The following POMK variants were observed in gnomAD, a reference collection of about 807,000 sequenced individuals.
POMK encodes the protein protein O-mannose kinase, also known as Sugen kinase 196.
In POMK, 19 loss-of-function variants were observed where a neutral mutation model predicts 23.0. The ratio of observed to expected loss-of-function variants is 0.83; its 90% CI spans 0.58 to 1.21. The LOEUF (loss-of-function observed/expected upper bound fraction) is 1.21. POMK is among the 50% of genes most tolerant of loss of function. POMK has a pLI of 0.00. For synonymous variants in POMK, 173 were observed against 171.6 expected, an observed-to-expected ratio of 1.01 and a Z score of -0.06; for missense variants, 410 against 431.3, an observed-to-expected ratio of 0.95 and a Z score of 0.44.
chr8:43,111,078 G>A (rs1011414937), intron 4 of POMK, among the ~76,000 whole-genome samples: 1 of 152,192 alleles, frequency 6.6e-6, no homozygotes, highest in African/African-American at 2.4e-5. Context: ...AGTGGGTGCA[G>A]GACAGTGGGT....
intron 2 of POMK, among the ~76,000 whole-genome samples, chr8:43,101,103 T>A (rs1811431413): frequency 6.6e-6 from 1 of 151,886 alleles, no homozygotes; most frequent in East Asian, 1.9e-4. Flanking sequence ...ATGCAGGGGA[T>A]GAGTAGAGCC....
chr8:43,103,495 T>C (rs1811483464), intron 3 of POMK, 33 bp from the exon 4 acceptor site: 2 of 1,596,306 alleles, frequency 1.3e-6, no homozygotes, highest in Admixed American at 1.7e-5. Context: ...GAAAGCTGAC[T>C]GTCATGACTT....
At chr8:43,099,703 A>G (rs552241705) in intron 2 of POMK, among the ~76,000 whole-genome samples, 2 of 152,242 alleles carry the variant, frequency 1.3e-5, no homozygotes, top group East Asian at 3.9e-4. Flanking sequence ...GAATGAGAGG[A>G]CAGAGCTGGG....
intron 2 of POMK, among the ~76,000 whole-genome samples, chr8:43,099,597 T>C (rs965411729): frequency 6.6e-6 from 1 of 152,218 alleles, no homozygotes; most frequent in Non-Finnish European, 1.5e-5. Flanking sequence ...CAAGGAAGAC[T>C]GGGGCTGTGC....
intron 4 of POMK, among the ~76,000 whole-genome samples, chr8:43,109,400 A>G (rs1811604208): frequency 6.6e-6 from 1 of 152,160 alleles, no homozygotes; most frequent in Non-Finnish European, 1.5e-5. Context: ...TTATCTTTTA[A>G]TATTCCATAA....
intron 4 of POMK, among the ~76,000 whole-genome samples, chr8:43,120,308 G>T (rs990163070): frequency 1.3e-5 from 2 of 151,816 alleles, no homozygotes; most frequent in African/African-American, 2.4e-5. Flanking sequence ...ACCTCCTGGG[G>T]TTCAAGCTAC....
At chr8:43,113,683 G>A (rs537206017) in intron 4 of POMK, among the ~76,000 whole-genome samples, 10 of 152,184 alleles carry the variant, frequency 6.6e-5, no homozygotes, top group South Asian at 2.1e-4. Flanking sequence ...GAGGAGAGAC[G>A]CTCTGCTTTT....
intron 4 of POMK, among the ~76,000 whole-genome samples, chr8:43,120,496 T>C (rs550624025): frequency 4.0e-5 from 6 of 151,716 alleles, no homozygotes; most frequent in Admixed American, 6.6e-5. Flanking sequence ...GCTGGGATTA[T>C]AGGTATGAGC....
chr8:43,103,257 CTG>C (rs760588604), intron 3 of POMK, among the ~76,000 whole-genome samples: 19 of 152,222 alleles, frequency 1.2e-4, no homozygotes, highest in Non-Finnish European at 2.5e-4. Flanking sequence ...ATGCATGCTA[CTG>C]TGAGTCGGAC....
intron 4 of POMK, among the ~76,000 whole-genome samples, chr8:43,120,923 C>T (rs1184286119): frequency 5.9e-5 from 9 of 151,950 alleles, no homozygotes; most frequent in South Asian, 4.1e-4. Flanking sequence ...GTGATCCACC[C>T]GCCTTGGCCT....
intron 4 of POMK, among the ~76,000 whole-genome samples, chr8:43,110,090 C>T (rs1314618697): frequency 2.0e-5 from 3 of 152,294 alleles, no homozygotes; most frequent in Non-Finnish European, 2.9e-5. Context: ...TAAAACAGTC[C>T]GTTAACACTC....
chr8:43,119,433 CTT>C lies in POMK; in HGVS notation c.283-2651_283-2650del, dbSNP rs907663234. Among the ~76,000 whole-genome samples, 136 of 95,968 alleles carry C rather than the reference CTT, an allele frequency of 1.4e-3. 1 individual carries two copies. The highest frequency in any genetic ancestry group is 5.3e-3 in the African/African-American group (130 of 24,752). 63.0% of individuals were successfully genotyped at this position (95,968 alleles called of 152,430 possible). ...ATGTAGCAGCCAGAGTGAAAAACAG[CTT>C]TTTTTTTTTTTTTTTTTTTTTTGAG... On this transcript the variant is annotated intron_variant, in intron 4 of 4. Coordinates refer to ENST00000331373, the MANE Select transcript of POMK (RefSeq NM_032237.5).
At chr8:43,101,671 T>C (rs1040318607) in intron 2 of POMK, among the ~76,000 whole-genome samples, 15 of 152,196 alleles carry the variant, frequency 9.9e-5, no homozygotes, top group Non-Finnish European at 1.9e-4. Context: ...AGGTTGCTTC[T>C]GTGTGTCAGA....
intron 1 of POMK, among the ~76,000 whole-genome samples, chr8:43,093,765 C>G (rs1811272682): frequency 6.6e-6 from 1 of 152,254 alleles, no homozygotes; most frequent in Non-Finnish European, 1.5e-5. Context: ...TCCGCGTCCA[C>G]CCCTGCGCGG....
chr8:43,107,745 ATTGT>A (rs1206686017), intron 4 of POMK, among the ~76,000 whole-genome samples: 1 of 149,772 alleles, frequency 6.7e-6, no homozygotes, highest in Non-Finnish European at 1.5e-5. Context: ...CAGTGGTGTG[ATTGT>A]GGCTTACTGC....
chr8:43,114,518 C>T (rs1811752869), intron 4 of POMK, among the ~76,000 whole-genome samples: 1 of 152,238 alleles, frequency 6.6e-6, no homozygotes, highest in Non-Finnish European at 1.5e-5. Flanking sequence ...TCTGTCACCC[C>T]TTTCTTTGAC....
rs140332286 is a variant in POMK at position 43,121,770 on chromosome 8, G to A, written c.283-337G>A. On this transcript the variant is annotated intron_variant, in intron 4 of 4. Transcript: ENST00000331373. ...TTCCCTCCTGAGCTAGCACTCCCCT[G>A]CCCTACATTGAATCTGCAGGTCCCC... Among the ~76,000 whole-genome samples the A allele has an allele frequency of 3.3e-5, 5 of 152,260 alleles. No individual in the cohort carries two copies. The East Asian group carries it at 9.7e-4, about 29-fold the overall frequency.
In POMK at chr8:43,113,998, C is replaced by T. The variant is rs1243206108; in HGVS notation, c.283-8109C>T. Among the ~76,000 whole-genome samples, 16 of 152,248 alleles carry T rather than the reference C, an allele frequency of 1.1e-4. No homozygotes were observed. The South Asian group carries it at 2.3e-3, about 22-fold the overall frequency. On this transcript the variant is annotated intron_variant, in intron 4 of 4. Coordinates refer to ENST00000331373, the MANE Select transcript of POMK (RefSeq NM_032237.5). ...TTTGTCTCAGAGGAGTACCCGGCCC[C>T]GTGAGGTGTCAGTCTGCCCCTACTG... is the stretch of plus-strand genomic sequence containing the variant.
chr8:43,114,709 C>T (rs531020467), intron 4 of POMK, among the ~76,000 whole-genome samples: 9 of 152,376 alleles, frequency 5.9e-5, no homozygotes, highest in Admixed American at 2.0e-4. Flanking sequence ...GCGTCGCTCA[C>T]GCTGGGAGCT....
Sources: allele counts gnomAD v4.1 joint callset (sites outside exome capture counted in the v4.1 genomes callset), GRCh38; gene constraint gnomAD v4.1.1; transcripts MANE v1.5; gene names NCBI Gene and HGNC (gene_info 2026-07-23, HGNC 2026-07-21).